CSMD2: variants seen among roughly 807,000 people sequenced by gnomAD.
CSMD2 encodes the protein CUB and Sushi multiple domains 2, also known as CUB and sushi domain-containing protein 2.
CSMD2 carries 130 observed loss-of-function variants against 398.5 expected under a neutral mutation model. That is an observed-to-expected ratio of 0.33 (90% CI 0.28 to 0.38). The LOEUF is 0.38. CSMD2 is among the 10% of genes least tolerant of loss of function. CSMD2 has a pLI of 1.00. For missense variants in CSMD2, 3,829 were observed against 4,764.9 expected, an observed-to-expected ratio of 0.80 and a Z score of 5.78; for synonymous variants, 1,828 against 1,908.5, an observed-to-expected ratio of 0.96 and a Z score of 1.10.
intron 5 of CSMD2, among the ~76,000 whole-genome samples, chr1:33,916,883 C>T (rs986417524): frequency 5.3e-5 from 8 of 152,310 alleles, no homozygotes; most frequent in Middle Eastern, 3.4e-3. Context: ...GTTCCTACCG[C>T]CATGAAACCT....
intron 2 of CSMD2, among the ~76,000 whole-genome samples, chr1:34,059,281 G>C (rs1038513045): frequency 5.3e-5 from 8 of 152,250 alleles, no homozygotes; most frequent in Non-Finnish European, 1.2e-4. Context: ...GAGAGGGGTG[G>C]AGCGAGACCC....
At chr1:33,917,486 G>C (rs373747578) in intron 5 of CSMD2, among the ~76,000 whole-genome samples, 10 of 152,188 alleles carry the variant, frequency 6.6e-5, no homozygotes, top group Admixed American at 6.5e-5. Context: ...GATAAGCAAC[G>C]ATGGCTTCAA....
chr1:33,893,580 C>T (rs1185003328), intron 5 of CSMD2, among the ~76,000 whole-genome samples: 1 of 152,214 alleles, frequency 6.6e-6, no homozygotes, highest in Non-Finnish European at 1.5e-5. Context: ...TAAATAAAGC[C>T]TCCAAGTGGG....
intron 1 of CSMD2, among the ~76,000 whole-genome samples, chr1:34,150,075 C>CTTTTTTTTTTT (rs201785327): frequency 1.7e-5 from 2 of 119,622 alleles, no homozygotes; most frequent in East Asian, 2.3e-4. Context: ...CATTTTTCTT[C>CTTTTTTTTTTT]TTTCTTTTTT....
chr1:33,806,972 T>G (rs2124946359), intron 10 of CSMD2, among the ~76,000 whole-genome samples: 1 of 152,292 alleles, frequency 6.6e-6, no homozygotes, highest in Non-Finnish European at 1.5e-5. Flanking sequence ...TTTCCCAAGC[T>G]GATGAAAGAT....
intron 1 of CSMD2, among the ~76,000 whole-genome samples, chr1:34,133,867 G>A (rs942990976): frequency 1.4e-4 from 22 of 151,824 alleles, no homozygotes; most frequent in African/African-American, 5.3e-4. Flanking sequence ...TCAGGAGATT[G>A]AGACCATCCT....
intron 37 of CSMD2, 138 bp downstream of exon 37, chr1:33,622,029 C>T (rs1037927811): frequency 1.7e-5 from 12 of 699,332 alleles, no homozygotes; most frequent in African/African-American, 1.2e-4. Context: ...TGGGCTTTAG[C>T]ATCTTCACCT....
At chr1:33,877,460 C>T (rs1304503581) in intron 5 of CSMD2, among the ~76,000 whole-genome samples, 2 of 152,194 alleles carry the variant, frequency 1.3e-5, no homozygotes, top group African/African-American at 4.8e-5. Flanking sequence ...CAGATCCTCA[C>T]CATCAACCTT....
In CSMD2 at chr1:33,572,588, G is replaced by T; in HGVS notation, c.7680C>A (p.His2560Gln). 6.2e-7 allele frequency: 1 copy of T among 1,614,086 alleles called. No homozygotes were observed. Among genetic ancestry groups the T allele is most frequent in the East Asian group, 2.2e-5 (1 of 44,864 alleles). The change falls in exon 50 of 71, where the codon CAC (histidine) becomes CAA (glutamine). Residue 2560 changes from histidine to glutamine, a missense_variant. Physicochemically the swap from His to Gln is conservative, Grantham distance 24. This residue lies in a region of CSMD2 where 723 missense variants were observed against 758.6 expected (regional missense o/e 0.95). Coordinates refer to ENST00000373381, the MANE Select transcript of CSMD2 (RefSeq NM_001281956.2). ...CAGTGGCCTCAGCGCCTGCCTGGAG[G>T]TGGTAGCCTTCACTGCAGCTGTACA... ...KAMYSCSEGY[H>Q]LQAGAEATAE...
chr1:34,011,964 C>A (rs1647399403), intron 3 of CSMD2, among the ~76,000 whole-genome samples: 1 of 152,132 alleles, frequency 6.6e-6, no homozygotes. Flanking sequence ...CATCAAGGCA[C>A]CTGAGTGATA....
At chr1:34,028,263 C>A (rs1457267581) in intron 3 of CSMD2, among the ~76,000 whole-genome samples, 1 of 152,104 alleles carries the variant, frequency 6.6e-6, no homozygotes, top group Non-Finnish European at 1.5e-5. Context: ...CTGCAGTGAG[C>A]TGAGATCGTG....
intron 3 of CSMD2, among the ~76,000 whole-genome samples, chr1:33,950,298 C>T (rs948955673): frequency 1.2e-4 from 19 of 152,072 alleles, no homozygotes; most frequent in African/African-American, 4.6e-4. Flanking sequence ...TGAGCTAGCC[C>T]CACCCATGTC....
intron 3 of CSMD2, among the ~76,000 whole-genome samples, chr1:33,990,865 A>G (rs1646529413): frequency 6.6e-6 from 1 of 152,178 alleles, no homozygotes; most frequent in African/African-American, 2.4e-5. Flanking sequence ...TCCCAGCTAA[A>G]TCTGATTTTG....
intron 25 of CSMD2, among the ~76,000 whole-genome samples, chr1:33,675,463 A>G (rs2149043878): frequency 6.6e-6 from 1 of 152,240 alleles, no homozygotes; most frequent in East Asian, 1.9e-4. Flanking sequence ...TGAGGCAATA[A>G]TTAATAGCTT....
rs965223077 is a variant in CSMD2 at position 33,682,396 on chromosome 1, C to A, written c.4052+10534G>T. Among the ~76,000 whole-genome samples the A allele has an allele frequency of 3.9e-5, 6 of 152,244 alleles. No individual in the cohort carries two copies. The South Asian group carries it at 8.3e-4, about 21-fold the overall frequency. Reference sequence around the variant, plus strand: ...ATTGGAACCTCACATTTTTGGGGGCCACCATTCAACCTACTACAATGTTTT... The same window carrying A: ...ATTGGAACCTCACATTTTTGGGGGCAACCATTCAACCTACTACAATGTTTT... On this transcript the variant is annotated intron_variant, in intron 25 of 70. Transcript: ENST00000373381.
At chr1:33,804,276 T>C (rs1318577591) in intron 10 of CSMD2, among the ~76,000 whole-genome samples, 1 of 152,232 alleles carries the variant, frequency 6.6e-6, no homozygotes, top group African/African-American at 2.4e-5. Flanking sequence ...GGGCCAAGCA[T>C]GTGGGCTCAC....
chr1:33,570,500 G>A (rs79941954), intron 51 of CSMD2, among the ~76,000 whole-genome samples: 1,804 of 152,002 alleles, frequency 0.012, 29 homozygotes, highest in African/African-American at 0.042. Flanking sequence ...CTCCTTCCCA[G>A]TTTCAAACTC....
At chr1:33,840,820 G>A (rs1310581002) in intron 6 of CSMD2, among the ~76,000 whole-genome samples, 1 of 152,166 alleles carries the variant, frequency 6.6e-6, no homozygotes, top group Non-Finnish European at 1.5e-5. Context: ...TGGAGGTGCA[G>A]AACCTGGAAA....
intron 5 of CSMD2, among the ~76,000 whole-genome samples, chr1:33,888,016 A>T: frequency 6.6e-6 from 1 of 152,156 alleles, no homozygotes; most frequent in East Asian, 1.9e-4. Context: ...TATTCACTAT[A>T]ACAATAAAAA....
Sources: gnomAD v4.1 joint callset for allele counts (sites outside exome capture counted in the v4.1 genomes callset) on GRCh38, gnomAD v4.1.1 for gene constraint, gnomAD v4.1.1 regional missense constraint, MANE v1.5 for transcripts, NCBI Gene and HGNC (gene_info 2026-07-23, HGNC 2026-07-21) for gene names.